The following FMO3 variants were observed in gnomAD, a reference collection of about 807,000 sequenced individuals.
FMO3 encodes flavin containing dimethylaniline monoxygenase 3.
A neutral mutation model predicts 39.4 loss-of-function variants in FMO3; 40 were observed. The ratio of observed to expected loss-of-function variants is 1.02; its 90% CI spans 0.79 to 1.32. The LOEUF is 1.32. FMO3 is among the 40% of genes most tolerant of loss of function. The pLI is 0.00. For synonymous variants in FMO3, 219 were observed against 228.8 expected (o/e 0.96, Z 0.39); for missense variants, 680 against 651.8 (o/e 1.04, Z -0.47).
intron 2 of FMO3, among the ~76,000 whole-genome samples, chr1:171,097,201 T>C (rs1359694457): frequency 4.2e-5 from 6 of 143,458 alleles, no homozygotes; most frequent in Admixed American, 2.2e-4. Flanking sequence ...TGTTGGACAT[T>C]TGGGTTGGTT....
In FMO3 at chr1:171,117,394, C is replaced by T. The variant is rs776698951; in HGVS notation, c.1551C>T (p.Leu517=). 4 of 1,613,084 alleles carry T rather than the reference C, an allele frequency of 2.5e-6. No individual in the cohort carries two copies. In the Admixed American group the frequency reaches 6.7e-5, roughly 27 times the overall value. Residue 517 remains leucine (L), a synonymous_variant, in exon 9 of 9, where the codon CTC becomes CTT. Coordinates refer to ENST00000367755, the MANE Select transcript of FMO3 (RefSeq NM_001002294.3). ...KPCFFFHWLK[L]FAIPILLIAV... ...GCTTCTTTTTCCATTGGCTGAAGCT[C>T]TTTGCAATTCCTATTCTGTTAATCG...
chr1:171,093,827 C>CTTTTTT lies in FMO3; in HGVS notation c.132+1057_132+1062dup, dbSNP rs1228257104. 3.5e-3 allele frequency among the ~76,000 whole-genome samples: 262 copies of CTTTTTT among 75,308 alleles called. 5 individuals are homozygous for CTTTTTT. Among genetic ancestry groups the CTTTTTT allele is most frequent in the Middle Eastern group, 0.023 (2 of 88 alleles). 49.4% of individuals were successfully genotyped at this position (75,308 alleles called of 152,430 possible). On this transcript the variant is annotated intron_variant, in intron 2 of 8. Transcript: ENST00000367755. Reference sequence around the variant, plus strand: ...CTTTTCTCCACATACTCACTAATATCTTTTTTTTTTTTTTTTTTTTTTTTT... The same window carrying CTTTTTT: ...CTTTTCTCCACATACTCACTAATATCTTTTTTTTTTTTTTTTTTTTTTTTTTTTTTT...
At position 171,109,614 on chromosome 1, in the gene FMO3, A is replaced by C. The variant is rs1278185452; in HGVS notation, c.628-1184A>C. Among the ~76,000 whole-genome samples, 8 of 136,034 alleles carry C rather than the reference A, an allele frequency of 5.9e-5. No individual in the cohort carries two copies. In the South Asian group the frequency reaches 1.2e-3, roughly 20 times the overall value. 89.2% of individuals were successfully genotyped at this position (136,034 alleles called of 152,430 possible). On this transcript the variant is annotated intron_variant, in intron 5 of 8. Transcript: ENST00000367755. ...CAGTGGCACAATCTCGGCTCACTGC[A>C]ACCTCCGTCTCCCAGGTTCAAGCAA...
Position 171,114,022 on chromosome 1 carries a change from G to A in FMO3, c.843G>A (p.Glu281=), listed in dbSNP as rs756543605. 1.9e-6 allele frequency: 3 copies of A among 1,607,258 alleles called. No individual in the cohort carries two copies. The highest frequency in any genetic ancestry group is 2.2e-5 in the East Asian group (1 of 44,824). The change falls in exon 7 of 9, where the codon GAG becomes GAA. Residue 281 remains glutamate (E), a synonymous_variant. Transcript: ENST00000367755. ...TTCCATACAGAGTCCTGAGGAAAGA[G>A]CCTGTATTTAACGATGAGCTCCCAG... is the stretch of plus-strand genomic sequence containing the variant. ...LMPLNGVLRK[E]PVFNDELPAS...
intron 2 of FMO3, among the ~76,000 whole-genome samples, chr1:171,096,347 A>C (rs1348645093): frequency 1.1e-5 from 1 of 93,568 alleles, no homozygotes. Context: ...ATAAATATAT[A>C]TAAATATATA....
At chr1:171,111,592 C>T (rs28363570) in intron 6 of FMO3, among the ~76,000 whole-genome samples, 3,459 of 152,268 alleles carry the variant, frequency 0.023, 43 homozygotes, top group Middle Eastern at 0.044. Flanking sequence ...TGGACCCCCT[C>T]TCACTAAACA....
rs1296158074 is a variant in FMO3, at chr1:171,114,345, C to T, written c.1166C>T (p.Ala389Val). Residue 389 changes from alanine (A) to valine (V), a missense_variant, in exon 7 of 9, where the codon GCA becomes GTA. Transcript: ENST00000367755. ...ACAGTTGACCTCCAGTCCCGCTGGG[C>T]AGCACAAGTAATAAAGGGTAAGTCA... ...IPTVDLQSRWAAQVIKGTCTL... is the reference protein window; with the variant it reads ...IPTVDLQSRWVAQVIKGTCTL... 1.2e-6 allele frequency: 2 copies of T among 1,612,622 alleles called. No homozygotes were observed. Among genetic ancestry groups the T allele is most frequent in the East Asian group, 2.2e-5 (1 of 44,850 alleles).
chr1:171,093,069 T>C (rs1654790609), intron 2 of FMO3, among the ~76,000 whole-genome samples: 1 of 152,162 alleles, frequency 6.6e-6, no homozygotes, highest in Admixed American at 6.5e-5. Flanking sequence ...AAATATTAGT[T>C]AGGTTTATGT....
At chr1:171,093,866 A>C (rs1571197400) in intron 2 of FMO3, among the ~76,000 whole-genome samples, 1 of 107,948 alleles carries the variant, frequency 9.3e-6, no homozygotes, top group African/African-American at 3.8e-5. Context: ...TGGGAGTCTC[A>C]CTCTGTCTCC....
intron 8 of FMO3, among the ~76,000 whole-genome samples, chr1:171,116,482 G>A (rs1013126617): frequency 2.0e-5 from 3 of 152,108 alleles, no homozygotes; most frequent in Non-Finnish European, 4.4e-5. Context: ...TTAGTACAAG[G>A]CACAGAGTAA....
intron 7 of FMO3, among the ~76,000 whole-genome samples, chr1:171,114,803 G>A (rs1451888530): frequency 2.6e-5 from 4 of 152,166 alleles, no homozygotes; most frequent in Admixed American, 2.6e-4. Context: ...TATGATTGCT[G>A]GAAGGCAATG....
intron 2 of FMO3, among the ~76,000 whole-genome samples, chr1:171,102,511 T>G (rs1357078980): frequency 3.3e-5 from 5 of 152,232 alleles, no homozygotes; most frequent in African/African-American, 1.2e-4. Context: ...ATGTGTCCTA[T>G]GGTAAGCTCT....
At chr1:171,116,739 T>C (rs1266412284) in intron 8 of FMO3, among the ~76,000 whole-genome samples, 3 of 152,208 alleles carry the variant, frequency 2.0e-5, no homozygotes, top group Admixed American at 2.0e-4. Context: ...CCATTTCTAG[T>C]TGTCACTAAT....
Position 171,103,837 on chromosome 1 carries a change from CT to C in FMO3, c.187del (p.Ser63ProfsTer4), listed in dbSNP as rs2101908769. The stretch of plus-strand genomic sequence containing the variant: ...ATTTACAAATCAGTCTTTTCCAACT[CT>C]TCCAAAGAGATGATGTGTTTCCCAG... The part of the protein sequence containing the change: ...ASIYKSVFSN[S>X]SKEMMCFPDF... On this transcript the variant is annotated frameshift_variant, in exon 3 of 9. Coordinates refer to ENST00000367755, the MANE Select transcript of FMO3 (RefSeq NM_001002294.3). LOFTEE classifies it high-confidence loss of function. The C allele has an allele frequency of 1.9e-6, 3 of 1,613,862 alleles. No individual in the cohort carries two copies. In the South Asian group the frequency reaches 3.3e-5, roughly 18 times the overall value.
chr1:171,103,722 C>A, intron 2 of FMO3, 63 bp from the exon 3 acceptor site: 1 of 1,381,128 alleles, frequency 7.2e-7, no homozygotes, highest in Non-Finnish European at 1.0e-6. Context: ...TTGGAACCAG[C>A]CCTGACCATG....
chr1:171,101,218 C>T, intron 2 of FMO3: 1 of 456,222 alleles, frequency 2.2e-6, no homozygotes, highest in Non-Finnish European at 4.4e-6. Flanking sequence ...TACTGTCACA[C>T]TTCGTTTTCA....
At chr1:171,108,033 T>G in intron 4 of FMO3, 46 bp from the exon 5 acceptor site, 1 of 1,606,244 alleles carries the variant, frequency 6.2e-7, no homozygotes, top group Non-Finnish European at 8.5e-7. Flanking sequence ...AGTCTTTGTT[T>G]AAATATATGA....
chr1:171,093,658 G>A (rs931560167), intron 2 of FMO3, among the ~76,000 whole-genome samples: 1 of 151,734 alleles, frequency 6.6e-6, no homozygotes, highest in Non-Finnish European at 1.5e-5. Flanking sequence ...ATGGGTGCAG[G>A]AATTTTTTTT....
intron 4 of FMO3, 34 bp downstream of exon 4, chr1:171,107,871 C>T (rs1203957087): frequency 2.5e-6 from 4 of 1,599,204 alleles, no homozygotes; most frequent in Non-Finnish European, 3.4e-6. Flanking sequence ...AGCCACATAA[C>T]TGACAAAAAT....
Sources: allele counts gnomAD v4.1 joint callset (sites outside exome capture counted in the v4.1 genomes callset), GRCh38; gene constraint gnomAD v4.1.1; transcripts MANE v1.5; gene names NCBI Gene and HGNC (gene_info 2026-07-23, HGNC 2026-07-21).